Variants in NCOA7 observed in about 807,000 individuals in gnomAD.
NCOA7 encodes the protein nuclear receptor coactivator 7, also known as 140 kDa estrogen receptor-associated protein.
In NCOA7, 45 loss-of-function variants were observed where a neutral mutation model predicts 104.3. That is an observed-to-expected ratio of 0.43 (90% CI 0.34 to 0.55). The LOEUF (loss-of-function observed/expected upper bound fraction) is 0.55. Ranked by LOEUF, NCOA7 falls within the 20% of genes least tolerant of loss-of-function variation. The pLI is 0.02. For synonymous variants in NCOA7, 398 were observed against 402.3 expected (o/e 0.99, Z 0.13); for missense variants, 1,041 against 1,119.7 (o/e 0.93, Z 1.00).
intron 1 of NCOA7, among the ~76,000 whole-genome samples, chr6:125,807,002 TG>T (rs1457572758): frequency 6.6e-6 from 1 of 152,222 alleles, no homozygotes; most frequent in Non-Finnish European, 1.5e-5. Flanking sequence ...ATAAAACGGT[TG>T]CTCAGTATGT....
chr6:125,919,407 A>ATTTT (rs1165425529), intron 11 of NCOA7: 1 of 1,612,730 alleles, frequency 6.2e-7, no homozygotes, highest in Admixed American at 1.7e-5. Flanking sequence ...ATTGTGCCAG[A>ATTTT]CCTGACGAAG....
intron 2 of NCOA7, among the ~76,000 whole-genome samples, chr6:125,821,124 C>T (rs1311478663): frequency 6.6e-6 from 1 of 152,042 alleles, no homozygotes; most frequent in East Asian, 1.9e-4. Flanking sequence ...TTGTCAGAGA[C>T]CTGGGCTGGT....
chr6:125,798,396 T>C (rs182572366), intron 1 of NCOA7, among the ~76,000 whole-genome samples: 16 of 152,356 alleles, frequency 1.1e-4, no homozygotes, highest in Admixed American at 9.8e-4. Context: ...TCCTACATTG[T>C]ACAGAGAATT....
intron 2 of NCOA7, among the ~76,000 whole-genome samples, chr6:125,840,150 G>T (rs948850026): frequency 6.6e-6 from 1 of 151,864 alleles, no homozygotes; most frequent in Non-Finnish European, 1.5e-5. Context: ...TAGACCCTCT[G>T]TGTTTATGTC....
chr6:125,919,817 G>A (rs918630187), intron 11 of NCOA7, among the ~76,000 whole-genome samples: 4 of 152,170 alleles, frequency 2.6e-5, no homozygotes, highest in Non-Finnish European at 5.9e-5. Flanking sequence ...TGGCTCAGAC[G>A]CCAGCGGGTA....
chr6:125,795,105 A>G (rs1775192782), intron 1 of NCOA7, among the ~76,000 whole-genome samples: 1 of 152,212 alleles, frequency 6.6e-6, no homozygotes, highest in African/African-American at 2.4e-5. Context: ...TACCCAGGTA[A>G]CTCATTATTT....
chr6:125,889,228 A>G lies in NCOA7; in HGVS notation c.1174A>G (p.Lys392Glu). ...HGSPTVTKLS[K>E]EPSDTSSAFE... is the part of the protein sequence containing the mutation. ...TTCTCCCACAGTGACTAAGCTCAGC[A>G]AGGAACCTTCCGACACTTCTTCTGC... is the stretch of plus-strand genomic sequence containing the variant. Residue 392 changes from lysine (K) to glutamate (E), a missense_variant, in exon 9 of 16, where the codon AAG becomes GAG. Physicochemically the swap from Lys to Glu is moderately conservative, Grantham distance 56. This residue lies in a region of NCOA7 where 914 missense variants were observed against 942.7 expected (regional missense o/e 0.97). Transcript: ENST00000392477. The G allele has an allele frequency of 1.9e-6, 3 of 1,614,022 alleles. No homozygotes were observed. Among genetic ancestry groups the G allele is most frequent in the Non-Finnish European group, 2.5e-6 (3 of 1,179,996 alleles).
At chr6:125,845,652 C>G (rs1209900663) in intron 2 of NCOA7, among the ~76,000 whole-genome samples, 1 of 152,118 alleles carries the variant, frequency 6.6e-6, no homozygotes, top group Non-Finnish European at 1.5e-5. Context: ...TGCTGCATGC[C>G]TGCAATCCCA....
At chr6:125,920,643 C>G (rs574951357) in intron 11 of NCOA7, among the ~76,000 whole-genome samples, 4 of 152,298 alleles carry the variant, frequency 2.6e-5, no homozygotes, top group African/African-American at 7.2e-5. Flanking sequence ...TGGGCTCAAG[C>G]CATCTTCCTC....
At chr6:125,799,500 C>T (rs1029247607) in intron 1 of NCOA7, among the ~76,000 whole-genome samples, 9 of 150,084 alleles carry the variant, frequency 6.0e-5, no homozygotes, top group East Asian at 3.9e-4. Context: ...AATGCAGTGG[C>T]GCTATCTCGG....
At chr6:125,808,007 G>C (rs1479052533) in intron 1 of NCOA7, among the ~76,000 whole-genome samples, 1 of 152,156 alleles carries the variant, frequency 6.6e-6, no homozygotes, top group Non-Finnish European at 1.5e-5. Flanking sequence ...GCAGTTACAT[G>C]TGTTTTCCTC....
chr6:125,907,441 G>A (rs1296454394), intron 10 of NCOA7, among the ~76,000 whole-genome samples: 6 of 152,194 alleles, frequency 3.9e-5, no homozygotes, highest in African/African-American at 4.8e-5. Flanking sequence ...GGCTGGCTCC[G>A]GTGGTGCTGT....
At chr6:125,883,349 A>G (rs140303051) in intron 7 of NCOA7, among the ~76,000 whole-genome samples, 2 of 152,334 alleles carry the variant, frequency 1.3e-5, no homozygotes, top group African/African-American at 4.8e-5. Context: ...ATTTTTTAAA[A>G]GACAGCTTTA....
rs557099329 is a variant in NCOA7 at position 125,845,273 on chromosome 6, A to T, written c.51-9747A>T. ...GAGGCAGACCAGCTCTATCTGATTT[A>T]AAAAAAAAGTGATGTGGGATTGCAG... On this transcript the variant is annotated intron_variant, in intron 2 of 15. Transcript: ENST00000392477. 3.1e-4 allele frequency among the ~76,000 whole-genome samples: 47 copies of T among 151,736 alleles called. No homozygotes were observed. In the South Asian group the frequency reaches 8.8e-3, roughly 28 times the overall value.
intron 11 of NCOA7, among the ~76,000 whole-genome samples, chr6:125,916,187 C>T (rs112607421): frequency 5.3e-5 from 8 of 152,288 alleles, no homozygotes; most frequent in African/African-American, 1.7e-4. Flanking sequence ...TTAAAAGTGG[C>T]AGTTTCCGCT....
intron 1 of NCOA7, among the ~76,000 whole-genome samples, chr6:125,785,075 C>T (rs934595363): frequency 3.9e-5 from 6 of 152,098 alleles, no homozygotes; most frequent in Non-Finnish European, 7.4e-5. Context: ...CGGTGGCTCA[C>T]GCCTGTAATC....
intron 1 of NCOA7, among the ~76,000 whole-genome samples, chr6:125,804,699 T>C (rs1327064276): frequency 6.6e-6 from 1 of 152,208 alleles, no homozygotes; most frequent in East Asian, 1.9e-4. Flanking sequence ...GAACTATAAA[T>C]TTTTAATTCT....
intron 1 of NCOA7, among the ~76,000 whole-genome samples, chr6:125,809,060 G>T (rs1350827964): frequency 6.6e-6 from 1 of 152,172 alleles, no homozygotes; most frequent in African/African-American, 2.4e-5. Flanking sequence ...TCATCACCTT[G>T]CTTCAGGAAT....
intron 3 of NCOA7, among the ~76,000 whole-genome samples, chr6:125,863,222 T>G (rs1428020601): frequency 7.3e-6 from 1 of 137,884 alleles, no homozygotes; most frequent in South Asian, 2.2e-4. Context: ...TTGCACCAGC[T>G]TTGTTTCAAG....
Sources: allele counts gnomAD v4.1 joint callset (sites outside exome capture counted in the v4.1 genomes callset), GRCh38; gene constraint gnomAD v4.1.1; regional missense constraint gnomAD v4.1.1; transcripts MANE v1.5; gene names NCBI Gene and HGNC (gene_info 2026-07-23, HGNC 2026-07-21).